UBR4: variants seen among roughly 807,000 people sequenced by gnomAD.
The protein encoded by UBR4 is E3 ubiquitin-protein ligase UBR4.
A neutral mutation model predicts 575.6 loss-of-function variants in UBR4; 124 were observed. The ratio of observed to expected loss-of-function variants is 0.22; its 90% CI spans 0.19 to 0.25. UBR4 has a LOEUF of 0.25. UBR4 is among the 10% of genes least tolerant of loss of function. The pLI, the probability that UBR4 is intolerant of heterozygous loss-of-function variation, is 1.00. For missense variants in UBR4, 4,818 were observed against 6,478.8 expected (o/e 0.74, Z 8.80); for synonymous variants, 2,455 against 2,473.7 (o/e 0.99, Z 0.22).
intron 8 of UBR4, among the ~76,000 whole-genome samples, chr1:19,194,653 T>A (rs2092339747): frequency 6.6e-6 from 1 of 151,240 alleles, no homozygotes; most frequent in African/African-American, 2.4e-5. Flanking sequence ...AATGCAAAAA[T>A]TAGCCAGGCG....
intron 55 of UBR4, 81 bp downstream of exon 55, chr1:19,143,899 A>G: frequency 7.7e-7 from 1 of 1,301,570 alleles, no homozygotes; most frequent in Non-Finnish European, 1.1e-6. Flanking sequence ...CAACATGAGC[A>G]GCATGCCCAA....
intron 37 of UBR4, 103 bp downstream of exon 37, chr1:19,161,486 T>C: frequency 6.9e-7 from 1 of 1,455,952 alleles, no homozygotes; most frequent in Non-Finnish European, 9.3e-7. Context: ...AACATATTCC[T>C]AGACTCAGGT....
At chr1:19,198,429 G>A in intron 5 of UBR4, 112 bp downstream of exon 5, 1 of 1,390,814 alleles carries the variant, frequency 7.2e-7, no homozygotes, top group Non-Finnish European at 9.7e-7. Context: ...TTGTCCCACA[G>A]ACATGTATAT....
chr1:19,150,150 T>C (rs1215130152), intron 49 of UBR4, among the ~76,000 whole-genome samples: 2 of 152,220 alleles, frequency 1.3e-5, no homozygotes, highest in Non-Finnish European at 2.9e-5. Flanking sequence ...ACAGCCTCTC[T>C]TGCTGGCAAT....
chr1:19,138,886 A>C (rs2083495922), intron 59 of UBR4, among the ~76,000 whole-genome samples, 197 bp downstream of exon 59: 1 of 152,216 alleles, frequency 6.6e-6, no homozygotes, highest in East Asian at 1.9e-4. Context: ...TAACCCCCTG[A>C]GCTTAAGCCA....
In UBR4 at chr1:19,100,854, A is replaced by T. The variant is rs2078552774; in HGVS notation, c.13024-281T>A. Among the ~76,000 whole-genome samples the T allele has an allele frequency of 6.6e-6, 1 of 151,902 alleles. No individual in the cohort carries two copies. Reference sequence around the variant, plus strand: ...AGGAGTGACATATGAGAGATATATTAAAAAATCGGGGAAGGGGTGCGAGGA... The same window carrying T: ...AGGAGTGACATATGAGAGATATATTTAAAAATCGGGGAAGGGGTGCGAGGA... On this transcript the variant is annotated intron_variant, in intron 88 of 105. Transcript: ENST00000375254. This position sits in a 1 kb window ranked among gnomAD's most constrained non-coding sequence, Gnocchi z 4.2.
rs1447479338 is a variant in UBR4 at position 19,175,112 on chromosome 1, A to G, written c.2774-79T>C. 6.1e-6 allele frequency: 8 copies of G among 1,308,394 alleles called. No homozygotes were observed. In the African/African-American group the frequency reaches 7.5e-5, roughly 12 times the overall value. 81.0% of individuals were successfully genotyped at this position (1,308,394 alleles called of 1,614,324 possible). On this transcript the variant is annotated intron_variant, in intron 20 of 105. Coordinates refer to ENST00000375254, the MANE Select transcript of UBR4 (RefSeq NM_020765.3). ...CTAGTATGCAATGTAAAACTCAGAA[A>G]ATACTTTATAATAAGGTTTCCCAAC...
At chr1:19,131,852 A>G (rs2082500773) in intron 60 of UBR4, among the ~76,000 whole-genome samples, 1 of 152,206 alleles carries the variant, frequency 6.6e-6, no homozygotes, top group South Asian at 2.1e-4. Context: ...CAGCCTGGGC[A>G]ACAAGAGTGA....
rs767464641 is a variant in UBR4 at position 19,140,862 on chromosome 1, C to T, written c.8519G>A (p.Ser2840Asn). 10 of 1,612,008 alleles carry T rather than the reference C, an allele frequency of 6.2e-6. No homozygotes were observed. The South Asian group carries it at 8.8e-5, about 14-fold the overall frequency. ...GGGTGCCTGGCCGGACAGTCCCAGGCTCTGCAGGCCCAGGGCACTGCTGCT... is the reference window on the plus strand; with the variant it reads ...GGGTGCCTGGCCGGACAGTCCCAGGTTCTGCAGGCCCAGGGCACTGCTGCT... ...GSSSSALGLQ[S>N]LGLSGQAPSS... The change falls in exon 58 of 106, where the codon AGC becomes AAC. Residue 2840 changes from serine to asparagine, a missense_variant. Physicochemically the swap from Ser to Asn is conservative, Grantham distance 46. Transcript: ENST00000375254.
At chr1:19,154,880 G>A in intron 44 of UBR4, 38 bp downstream of exon 44, 1 of 1,612,810 alleles carries the variant, frequency 6.2e-7, no homozygotes, top group Non-Finnish European at 8.5e-7. Flanking sequence ...ATTGAATGTG[G>A]ACATTGCGGA....
Position 19,093,890 on chromosome 1 carries a change from C to A in UBR4, c.13937+59G>T. 1 of 1,550,074 alleles carries A rather than the reference C, an allele frequency of 6.5e-7. No homozygotes were observed. Among genetic ancestry groups the A allele is most frequent in the South Asian group, 1.2e-5 (1 of 81,392 alleles). On this transcript the variant is annotated intron_variant, in intron 95 of 105. Coordinates refer to ENST00000375254, the MANE Select transcript of UBR4 (RefSeq NM_020765.3). This position sits in a 1 kb window ranked among gnomAD's most constrained non-coding sequence, Gnocchi z 4.8. ...AGAGGATTCTTCCTCATCTCACAGA[C>A]CTAGTTCGGCGTTTTAGTGGAGACT...
chr1:19,163,352 A>G (rs1386130315), intron 34 of UBR4, among the ~76,000 whole-genome samples: 4 of 152,202 alleles, frequency 2.6e-5, no homozygotes, highest in Non-Finnish European at 2.9e-5. Context: ...TACCAGAGTA[A>G]CCAGAACCTT....
intron 33 of UBR4, 136 bp downstream of exon 33, chr1:19,164,117 C>T (rs1416960577): frequency 3.0e-6 from 3 of 1,003,502 alleles, no homozygotes; most frequent in African/African-American, 1.6e-5. Context: ...GAGCTATTTG[C>T]TACCCACCCA....
At chr1:19,196,944 A>G (rs774041039) in intron 8 of UBR4, among the ~76,000 whole-genome samples, 197 bp downstream of exon 8, 1 of 152,234 alleles carries the variant, frequency 6.6e-6, no homozygotes, top group African/African-American at 2.4e-5. Context: ...CCTATAACGC[A>G]ATGGCAGCAG....
chr1:19,175,161 C>G, intron 20 of UBR4, 128 bp from the exon 21 acceptor site: 1 of 873,284 alleles, frequency 1.1e-6, no homozygotes, highest in South Asian at 1.9e-5. Context: ...ACATCTGGAG[C>G]CAGATAAGTG....
chr1:19,094,079 T>C lies in UBR4; in HGVS notation c.13807A>G (p.Ser4603Gly). 1.2e-6 allele frequency: 2 copies of C among 1,614,072 alleles called. No individual in the cohort carries two copies. The highest frequency in any genetic ancestry group is 1.7e-6 in the Non-Finnish European group (2 of 1,180,008). ...CTGGGGTTGGAGCGAACAAAGGTGC[T>C]GTTGATCTGGTCCAAGAGCATCACC... The part of the protein sequence containing the change: ...QLVMLLDQIN[S>G]TFVRSNPSVL... Residue 4603 changes from serine (S) to glycine (G), a missense_variant, in exon 95 of 106, where the codon AGC becomes GGC. Around this residue, in one of 29 missense-constraint regions of UBR4, gnomAD observed 165 missense variants for 282.3 expected, o/e 0.58. Transcript: ENST00000375254.
chr1:19,151,874 G>C lies in UBR4; in HGVS notation c.6997-15C>G, dbSNP rs917547623. The C allele has an allele frequency of 1.9e-6, 3 of 1,557,530 alleles. No individual in the cohort carries two copies. Among genetic ancestry groups the C allele is most frequent in the Middle Eastern group, 2.0e-4 (1 of 4,898 alleles). On this transcript the variant is annotated splice_polypyrimidine_tract_variant and intron_variant, in intron 47 of 105. Coordinates refer to ENST00000375254, the MANE Select transcript of UBR4 (RefSeq NM_020765.3). Reference sequence around the variant, plus strand: ...AAGCCTCCGGGCTGTAGGGAGACAAGGCACACATCAAGAAACTACAGAAGT... The same window carrying C: ...AAGCCTCCGGGCTGTAGGGAGACAACGCACACATCAAGAAACTACAGAAGT...
chr1:19,100,161 C>T lies in UBR4; in HGVS notation c.13221+215G>A. The T allele has an allele frequency of 3.4e-6, 2 of 580,298 alleles. No individual in the cohort carries two copies. Among genetic ancestry groups the T allele is most frequent in the Non-Finnish European group, 3.0e-6 (1 of 328,784 alleles). The allele number at this position is 580,298 out of a possible 1,614,324, so 35.9% of individuals were successfully genotyped here. ...CAGCCATTAACAATATGCTTACTTC[C>T]TGCCAGGCACTGGGCAGAGCCCTTT... On this transcript the variant is annotated intron_variant, in intron 89 of 105. Transcript: ENST00000375254. The surrounding 1 kb of genome is among the most constrained non-coding windows in gnomAD (Gnocchi z 4.2).
intron 68 of UBR4, among the ~76,000 whole-genome samples, chr1:19,120,665 G>A (rs2081073216): frequency 6.6e-6 from 1 of 152,192 alleles, no homozygotes; most frequent in South Asian, 2.1e-4. Flanking sequence ...AGTGACACTG[G>A]AGGAGGAGGA....
Sources: allele counts gnomAD v4.1 joint callset (sites outside exome capture counted in the v4.1 genomes callset), GRCh38; gene constraint gnomAD v4.1.1; regional missense constraint gnomAD v4.1.1; non-coding constraint Gnocchi (gnomAD v3.1); transcripts MANE v1.5; gene names NCBI Gene and HGNC (gene_info 2026-07-23, HGNC 2026-07-21).